ARHGAP10: variants seen among roughly 807,000 people sequenced by gnomAD.
ARHGAP10 encodes the protein Rho GTPase activating protein 10, also known as rho GTPase-activating protein 10.
In ARHGAP10, 87 loss-of-function variants were observed where a neutral mutation model predicts 108.6. The observed-to-expected ratio is 0.80, with a 90% CI of 0.67 to 0.96. The LOEUF (loss-of-function observed/expected upper bound fraction) is 0.96. Ranked by LOEUF, ARHGAP10 falls within the 40% of genes least tolerant of loss-of-function variation. The probability of loss-of-function intolerance (pLI) is 0.00; values close to 1 mark genes in which losing one functional copy is unlikely to be tolerated. For missense variants in ARHGAP10, 939 were observed against 954.5 expected (o/e 0.98, Z 0.21); for synonymous variants, 347 against 341.1 (o/e 1.02, Z -0.19).
intron 10 of ARHGAP10, among the ~76,000 whole-genome samples, chr4:147,886,094 G>T (rs2126878622): frequency 6.6e-6 from 1 of 152,300 alleles, no homozygotes; most frequent in African/African-American, 2.4e-5. Flanking sequence ...AAACGTACAT[G>T]AATTTCTTGT....
rs147280646 is a variant in ARHGAP10 at position 147,797,290 on chromosome 4, A to T, written c.155-25437A>T. On this transcript the variant is annotated intron_variant, in intron 1 of 22. Transcript: ENST00000336498. ...CCTCCAGATGAAGATCCAACCTCTT[A>T]GCCAGGTCTTTACACTGACCCCAGC... Among the ~76,000 whole-genome samples, 477 of 152,052 alleles carry T rather than the reference A, an allele frequency of 3.1e-3. 2 individuals are homozygous for T. The highest frequency in any genetic ancestry group is 5.4e-3 in the Admixed American group (82 of 15,270).
chr4:147,765,784 G>A (rs533434884), intron 1 of ARHGAP10, among the ~76,000 whole-genome samples: 5 of 151,238 alleles, frequency 3.3e-5, no homozygotes, highest in African/African-American at 9.7e-5. Flanking sequence ...TGGGCGACAC[G>A]ATGAGACCCT....
chr4:147,854,700 G>T (rs1734019013), intron 4 of ARHGAP10: 4 of 983,570 alleles, frequency 4.1e-6, no homozygotes, highest in South Asian at 9.4e-5. Context: ...TGAGCACAAA[G>T]AAACAATAAT....
chr4:147,806,929 G>A (rs745975453), intron 1 of ARHGAP10, among the ~76,000 whole-genome samples: 6 of 152,186 alleles, frequency 3.9e-5, no homozygotes, highest in Admixed American at 1.3e-4. Context: ...CTGCCACCCA[G>A]TTCTAAGAAG....
rs1174335950 is a variant in ARHGAP10 at position 148,027,057 on chromosome 4, G to A, written c.1867+3644G>A. On this transcript the variant is annotated intron_variant, in intron 19 of 22. Coordinates refer to ENST00000336498, the MANE Select transcript of ARHGAP10 (RefSeq NM_024605.4). ...AAGGAAAGTTCAGGAGGCTATATGA[G>A]ATCAAAGTGATCTTTGTTATTTTTC... Among the ~76,000 whole-genome samples the A allele has an allele frequency of 2.0e-5, 3 of 152,154 alleles. No individual in the cohort carries two copies. In the East Asian group the frequency reaches 5.8e-4, roughly 29 times the overall value.
At chr4:147,818,534 C>G (rs1732351721) in intron 1 of ARHGAP10, among the ~76,000 whole-genome samples, 1 of 147,892 alleles carries the variant, frequency 6.8e-6, no homozygotes. Context: ...CCATTGCATT[C>G]CAGCCTGGGT....
intron 1 of ARHGAP10, among the ~76,000 whole-genome samples, chr4:147,748,767 T>G (rs2126689118): frequency 6.6e-6 from 1 of 152,192 alleles, no homozygotes; most frequent in Middle Eastern, 3.4e-3. Context: ...GGTTAGGAGT[T>G]TGAGACCAGC....
At chr4:148,021,396 C>T (rs1276250398) in intron 18 of ARHGAP10, among the ~76,000 whole-genome samples, 1 of 152,196 alleles carries the variant, frequency 6.6e-6, no homozygotes, top group African/African-American at 2.4e-5. Context: ...ATCTGTCCAT[C>T]ACCAGTTGTT....
intron 22 of ARHGAP10, among the ~76,000 whole-genome samples, chr4:148,066,774 C>A (rs190443231): frequency 3.9e-5 from 6 of 152,206 alleles, no homozygotes; most frequent in Non-Finnish European, 8.8e-5. Flanking sequence ...ATTCTTCATC[C>A]TAAGCGGCAG....
chr4:148,046,686 A>G (rs1465732028), intron 19 of ARHGAP10, among the ~76,000 whole-genome samples: 1 of 152,166 alleles, frequency 6.6e-6, no homozygotes, highest in Non-Finnish European at 1.5e-5. Flanking sequence ...TAAGGAAAAC[A>G]TTCCTCGCTG....
chr4:147,884,014 A>G (rs1229347843), intron 10 of ARHGAP10, among the ~76,000 whole-genome samples: 2 of 151,968 alleles, frequency 1.3e-5, no homozygotes, highest in Non-Finnish European at 2.9e-5. Flanking sequence ...CCTCTTAACC[A>G]CTGTGCCATA....
At chr4:147,881,415 A>ATCAT (rs1735323096) in intron 9 of ARHGAP10, among the ~76,000 whole-genome samples, 1 of 152,160 alleles carries the variant, frequency 6.6e-6, no homozygotes, top group African/African-American at 2.4e-5. Flanking sequence ...AGGCGGGTGG[A>ATCAT]TCATCTGAGG....
intron 3 of ARHGAP10, among the ~76,000 whole-genome samples, chr4:147,842,148 T>C (rs182965310): frequency 1.7e-3 from 254 of 152,258 alleles, no homozygotes; most frequent in Middle Eastern, 3.4e-3. Context: ...ATTGACCAGC[T>C]GGTCTCAAAC....
At chr4:147,871,369 C>T (rs898480464) in intron 7 of ARHGAP10, among the ~76,000 whole-genome samples, 1 of 152,076 alleles carries the variant, frequency 6.6e-6, no homozygotes, top group Non-Finnish European at 1.5e-5. Flanking sequence ...TTTGTTTTTG[C>T]CCCCCAAGTA....
intron 20 of ARHGAP10, among the ~76,000 whole-genome samples, chr4:148,053,865 T>G (rs1729251085): frequency 1.3e-5 from 2 of 152,194 alleles, no homozygotes; most frequent in African/African-American, 4.8e-5. Context: ...CGTGCCTTCC[T>G]TTGCTGTGCT....
intron 7 of ARHGAP10, among the ~76,000 whole-genome samples, chr4:147,868,114 T>TA (rs934988728): frequency 1.3e-5 from 2 of 152,142 alleles, no homozygotes; most frequent in Non-Finnish European, 2.9e-5. Flanking sequence ...AGTTATAAAA[T>TA]ATGTGGTATG....
intron 14 of ARHGAP10, among the ~76,000 whole-genome samples, chr4:147,943,552 T>C (rs1738246212): frequency 6.6e-6 from 1 of 152,224 alleles, no homozygotes; most frequent in African/African-American, 2.4e-5. Flanking sequence ...CTGCAGATTT[T>C]CAGTTTCAAA....
At chr4:148,024,431 A>T (rs1341891772) in intron 19 of ARHGAP10, among the ~76,000 whole-genome samples, 1 of 152,186 alleles carries the variant, frequency 6.6e-6, no homozygotes, top group Non-Finnish European at 1.5e-5. Flanking sequence ...AGGCAGCTGC[A>T]TGCACACACC....
chr4:147,959,708 A>C (rs1202038132), intron 16 of ARHGAP10, among the ~76,000 whole-genome samples: 1 of 152,044 alleles, frequency 6.6e-6, no homozygotes, highest in African/African-American at 2.4e-5. Flanking sequence ...CATCCTTTTT[A>C]ATGGTTGCAT....
Sources: gnomAD v4.1 joint callset for allele counts (sites outside exome capture counted in the v4.1 genomes callset) on GRCh38, gnomAD v4.1.1 for gene constraint, MANE v1.5 for transcripts, NCBI Gene and HGNC (gene_info 2026-07-23, HGNC 2026-07-21) for gene names.